Variants in HDAC9 observed in about 807,000 individuals in gnomAD.
The protein encoded by HDAC9 is MEF-2 interacting transcription repressor (MITR) protein.
Under a neutral mutation model 139.4 loss-of-function variants are expected in HDAC9, and 41 were observed. The ratio of observed to expected loss-of-function variants is 0.29; its 90% CI spans 0.23 to 0.38. The LOEUF (loss-of-function observed/expected upper bound fraction) is 0.38. Ranked by LOEUF, HDAC9 falls within the 10% of genes least tolerant of loss-of-function variation. The pLI is 1.00. For synonymous variants in HDAC9, 517 were observed against 476.2 expected (o/e 1.09, Z -1.12); for missense variants, 1,147 against 1,297.0 (o/e 0.88, Z 1.78).
chr7:18,207,096 GTTTGTT>G (rs955232176), intron 2 of HDAC9, among the ~76,000 whole-genome samples: 4 of 151,572 alleles, frequency 2.6e-5, no homozygotes, highest in East Asian at 1.9e-4. Flanking sequence ...TGTTTGTTTG[GTTTGTT>G]TTTGTTTTTG....
At chr7:18,596,452 A>G (rs1198320127) in intron 6 of HDAC9, among the ~76,000 whole-genome samples, 1 of 152,154 alleles carries the variant, frequency 6.6e-6, no homozygotes, top group Non-Finnish European at 1.5e-5. Context: ...ATTTAGACAT[A>G]TATTTGCACT....
At chr7:18,804,521 T>G (rs1160904107) in intron 17 of HDAC9, among the ~76,000 whole-genome samples, 1 of 152,216 alleles carries the variant, frequency 6.6e-6, no homozygotes, top group African/African-American at 2.4e-5. Context: ...GCATTGCATT[T>G]CATATACATT....
intron 1 of HDAC9, among the ~76,000 whole-genome samples, chr7:18,089,259 C>T (rs185951813): frequency 6.6e-6 from 1 of 152,138 alleles, no homozygotes; most frequent in East Asian, 1.9e-4. Context: ...TGCAGTTCAG[C>T]CTGTTGGGCT....
chr7:18,920,476 G>A (rs371781116), intron 22 of HDAC9, among the ~76,000 whole-genome samples: 1 of 151,950 alleles, frequency 6.6e-6, no homozygotes, highest in African/African-American at 2.4e-5. Flanking sequence ...CTAATTGAAT[G>A]CCCTTTATTT....
At position 18,129,981 on chromosome 7, in the gene HDAC9, G is replaced by A. The variant is rs150807771; in HGVS notation, c.-96-32248G>A. Among the ~76,000 whole-genome samples the A allele has an allele frequency of 3.9e-5, 6 of 152,242 alleles. No individual in the cohort carries two copies. In the East Asian group the frequency reaches 9.7e-4, roughly 25 times the overall value. On this transcript the variant is annotated intron_variant, in intron 1 of 12. Transcript: ENST00000417496. ...AAGCTAAGAGAGATCTACTCTTGAC[G>A]ATGATTAGTTCTTGGCTAGACAAAA...
chr7:18,873,269 G>A (rs1252598121), intron 21 of HDAC9, among the ~76,000 whole-genome samples: 5 of 152,072 alleles, frequency 3.3e-5, no homozygotes, highest in African/African-American at 1.2e-4. Context: ...TTTATGATCA[G>A]CCAATTCAGA....
chr7:18,985,139 T>A (rs964207074), intron 25 of HDAC9, among the ~76,000 whole-genome samples: 1 of 152,146 alleles, frequency 6.6e-6, no homozygotes, highest in East Asian at 1.9e-4. Flanking sequence ...TAGTTACATA[T>A]GTATACATGT....
chr7:18,495,742 A>C, upstream of HDAC9: 1 of 989,498 alleles, frequency 1.0e-6, no homozygotes, highest in Non-Finnish European at 1.2e-6. Flanking sequence ...AGAGACTGAG[A>C]AAGGGGGAAG....
At chr7:18,696,749 T>A (rs1005778438) in intron 12 of HDAC9, among the ~76,000 whole-genome samples, 6 of 152,182 alleles carry the variant, frequency 3.9e-5, no homozygotes, top group Admixed American at 1.3e-4. Context: ...ATTACAGGCG[T>A]GAGCCACCGT....
At position 18,916,022 on chromosome 7, in the gene HDAC9, G is replaced by A. The variant is rs1259249550; in HGVS notation, c.2804-19787G>A. Reference sequence around the variant, plus strand: ...CAGACCCTCCTCTCACCCCCCGCTGGAAAAAAAAAAAAAAAACAGAAAAAG... The same window carrying A: ...CAGACCCTCCTCTCACCCCCCGCTGAAAAAAAAAAAAAAAAACAGAAAAAG... On this transcript the variant is annotated intron_variant, in intron 22 of 25. Transcript: ENST00000686413. 1.4e-4 allele frequency among the ~76,000 whole-genome samples: 20 copies of A among 138,114 alleles called. 1 individual carries two copies. Among genetic ancestry groups the A allele is most frequent in the East Asian group, 4.2e-4 (2 of 4,772 alleles). The allele number at this position is 138,114 out of a possible 152,430, so 90.6% of individuals were successfully genotyped here.
rs188009263 is a variant in HDAC9 at position 18,609,863 on chromosome 7, G to C, written c.664+15834G>C. Among the ~76,000 whole-genome samples the C allele has an allele frequency of 2.2e-3, 327 of 148,376 alleles. 4 individuals are homozygous for C. Among genetic ancestry groups the C allele is most frequent in the African/African-American group, 7.6e-3 (307 of 40,206 alleles). The stretch of plus-strand genomic sequence containing the variant: ...TTCTCATTGTTCAGTTCCCACCTAT[G>C]AGTGAGAACATGCGGTGTTTGGGTT... On this transcript the variant is annotated intron_variant, in intron 6 of 25. Transcript: ENST00000686413.
chr7:18,303,375 T>TTGTGTGTGTGTGTGTGTGTG (rs71014320), intron 1 of HDAC9, among the ~76,000 whole-genome samples: 3 of 127,710 alleles, frequency 2.3e-5, no homozygotes, highest in Admixed American at 8.2e-5. Context: ...CCCAGCCAAT[T>TTGTGTGTGTGTGTGTGTGTG]TGTGTGTGTG....
chr7:18,163,022 A>G (rs993617279), intron 2 of HDAC9, among the ~76,000 whole-genome samples: 1 of 152,206 alleles, frequency 6.6e-6, no homozygotes, highest in East Asian at 1.9e-4. Flanking sequence ...CAAGTTTTAC[A>G]AGAATTTTCT....
intron 2 of HDAC9, among the ~76,000 whole-genome samples, chr7:18,562,256 T>C (rs1481708087): frequency 6.6e-6 from 1 of 152,162 alleles, no homozygotes; most frequent in Non-Finnish European, 1.5e-5. Flanking sequence ...TTTGCAATAA[T>C]TTTCTTCCAT....
At chr7:18,632,943 A>G (rs887667533) in intron 7 of HDAC9, among the ~76,000 whole-genome samples, 7 of 152,054 alleles carry the variant, frequency 4.6e-5, no homozygotes, top group Non-Finnish European at 7.4e-5. Flanking sequence ...GATATGCAGG[A>G]AACAGTTAAT....
At chr7:18,147,112 C>G (rs1786398127) in intron 1 of HDAC9, among the ~76,000 whole-genome samples, 1 of 151,966 alleles carries the variant, frequency 6.6e-6, no homozygotes, top group East Asian at 1.9e-4. Context: ...ACTCTTTTTC[C>G]TAAATGAATC....
intron 1 of HDAC9, among the ~76,000 whole-genome samples, chr7:18,481,921 G>A (rs191013466): frequency 2.2e-3 from 329 of 152,226 alleles, no homozygotes; most frequent in Non-Finnish European, 3.6e-3. Flanking sequence ...CCAGATCCTT[G>A]TAATTATTTG....
At chr7:18,547,685 A>G (rs183242342) in intron 2 of HDAC9, among the ~76,000 whole-genome samples, 41 of 152,338 alleles carry the variant, frequency 2.7e-4, no homozygotes, top group African/African-American at 7.9e-4. Flanking sequence ...ATTGAAGTCA[A>G]TGCTTCTCAA....
intron 1 of HDAC9, among the ~76,000 whole-genome samples, chr7:18,297,591 C>G (rs1798239202): frequency 1.3e-5 from 2 of 152,152 alleles, no homozygotes; most frequent in Non-Finnish European, 2.9e-5. Flanking sequence ...TTGAATGCTA[C>G]AATAACATTC....
Sources: gnomAD v4.1 joint callset for allele counts (sites outside exome capture counted in the v4.1 genomes callset) on GRCh38, gnomAD v4.1.1 for gene constraint, MANE v1.5 for transcripts, NCBI Gene and HGNC (gene_info 2026-07-23, HGNC 2026-07-21) for gene names.